FRY: variants seen among roughly 807,000 people sequenced by gnomAD.
FRY encodes the protein FRY microtubule binding protein, also known as protein furry homolog.
FRY carries 128 observed loss-of-function variants against 348.4 expected under a neutral mutation model. The ratio of observed to expected loss-of-function variants is 0.37; its 90% CI spans 0.32 to 0.43. FRY has a LOEUF of 0.43. FRY is among the 20% of genes least tolerant of loss of function. The pLI is 1.00. For missense variants in FRY, 2,736 were observed against 3,695.2 expected, an observed-to-expected ratio of 0.74 and a Z score of 6.73; for synonymous variants, 1,370 against 1,374.7, an observed-to-expected ratio of 1.00 and a Z score of 0.08.
At chr13:32,269,481 A>G (rs1169683256) in intron 55 of FRY, among the ~76,000 whole-genome samples, 2 of 152,200 alleles carry the variant, frequency 1.3e-5, no homozygotes, top group East Asian at 3.9e-4. Context: ...ACCTGAGGTC[A>G]GAAATTCGAG....
intron 11 of FRY, among the ~76,000 whole-genome samples, chr13:32,143,013 T>G (rs1880175135): frequency 6.6e-6 from 1 of 151,930 alleles, no homozygotes; most frequent in Admixed American, 6.6e-5. Flanking sequence ...GTTATCCAAG[T>G]AGACAAGGAT....
chr13:32,059,458 C>CA (rs10692049), intron 1 of FRY, among the ~76,000 whole-genome samples: 10,636 of 111,346 alleles, frequency 0.096, 853 homozygotes, highest in African/African-American at 0.22. Context: ...ACTTAGGAAG[C>CA]AAAAAAAAAA....
Position 32,247,345 on chromosome 13 carries a change from T to C in FRY, c.6851T>C (p.Leu2284Pro). 7 of 1,613,634 alleles carry C rather than the reference T, an allele frequency of 4.3e-6. No homozygotes were observed. The highest frequency in any genetic ancestry group is 5.9e-6 in the Non-Finnish European group (7 of 1,179,518). Residue 2284 changes from leucine to proline, a missense_variant, in exon 48 of 61, where the codon CTG becomes CCG. Physicochemically the swap from Leu to Pro is moderately conservative, Grantham distance 98 (BLOSUM62 -3). Transcript: ENST00000542859. The part of the protein sequence containing the change: ...YVQSVHWREA[L>P]NILKLVVSRS... Reference sequence around the variant, plus strand: ...CAGAGTGTTCACTGGAGAGAAGCTCTGAATATCTTGAAGCTGGTAGTTTCT... The same window carrying C: ...CAGAGTGTTCACTGGAGAGAAGCTCCGAATATCTTGAAGCTGGTAGTTTCT...
intron 31 of FRY, among the ~76,000 whole-genome samples, chr13:32,203,913 G>T (rs577538805): frequency 6.6e-6 from 1 of 152,184 alleles, no homozygotes; most frequent in East Asian, 1.9e-4. Context: ...CTTCCATGTG[G>T]CAGTCCATCC....
At position 32,289,548 on chromosome 13, in the gene FRY, A is replaced by G. The variant is rs1489135918; in HGVS notation, c.8470-85A>G. On this transcript the variant is annotated intron_variant, in intron 58 of 60. Transcript: ENST00000542859. ...TTATGTTTTCTTAATTTAAAAAAAA[A>G]GTTTGTCTCCATTGAGATTTCACTA... 1.0e-5 allele frequency: 8 copies of G among 802,494 alleles called. No homozygotes were observed. The Admixed American group carries it at 1.5e-4, about 15-fold the overall frequency. The allele number at this position is 802,494 out of a possible 1,614,324, so 49.7% of individuals were successfully genotyped here. A position where few individuals can be genotyped will look rare whatever the true frequency, so the allele number is the denominator to read the frequency against.
intron 42 of FRY, 123 bp downstream of exon 42, chr13:32,234,884 A>AT: frequency 1.3e-6 from 1 of 777,992 alleles, no homozygotes; most frequent in Non-Finnish European, 2.1e-6. Context: ...TGTACAATAT[A>AT]TTTTTTCAAT....
intron 28 of FRY, among the ~76,000 whole-genome samples, chr13:32,192,739 CTTTTTTTT>C (rs71194513): frequency 5.0e-5 from 5 of 99,242 alleles, no homozygotes; most frequent in Non-Finnish European, 9.8e-5. Context: ...CAGAATGTTA[CTTTTTTTT>C]TTTTTTTTTT....
At chr13:32,236,217 A>G in intron 43 of FRY, 45 bp downstream of exon 43, 1 of 1,333,108 alleles carries the variant, frequency 7.5e-7, no homozygotes, top group Non-Finnish European at 1.1e-6. Context: ...TATACTGCAC[A>G]GGAGTATTTG....
At position 32,100,368 on chromosome 13, in the gene FRY, T is replaced by C. The variant is rs575680411; in HGVS notation, c.271-1595T>C. ...TGCTGGGATTACAGACGTGAGCCAA[T>C]GCACCTGGCCGTGACTTTTTATTAT... On this transcript the variant is annotated intron_variant, in intron 2 of 60. Coordinates refer to ENST00000542859, the MANE Select transcript of FRY (RefSeq NM_023037.3). 1.2e-3 allele frequency among the ~76,000 whole-genome samples: 177 copies of C among 152,126 alleles called. 3 individuals carry two copies. The highest frequency in any genetic ancestry group is 4.1e-3 in the African/African-American group (171 of 41,448).
At chr13:32,270,640 C>T (rs1282562660) in intron 55 of FRY, among the ~76,000 whole-genome samples, 2 of 152,322 alleles carry the variant, frequency 1.3e-5, no homozygotes, top group East Asian at 1.9e-4. Flanking sequence ...CTGCCTAGAA[C>T]GGTCATCTCC....
At chr13:32,252,024 G>A in intron 50 of FRY, 72 bp downstream of exon 50, 5 of 1,047,792 alleles carry the variant, frequency 4.8e-6, no homozygotes, top group Non-Finnish European at 4.5e-6. Flanking sequence ...TTTGCCTTTG[G>A]TCATATAATT....
At position 32,038,947 on chromosome 13, in the gene FRY, C is replaced by T. The variant is rs113199373; in HGVS notation, c.70+7082C>T. The stretch of plus-strand genomic sequence containing the variant: ...CACCTGGATCCTTCATCCAGGCTCT[C>T]AGAGCTTCCTTTCCTTCCTTGTTCG... On this transcript the variant is annotated intron_variant, in intron 1 of 60. Coordinates refer to ENST00000542859, the MANE Select transcript of FRY (RefSeq NM_023037.3). Among the ~76,000 whole-genome samples, 587 of 152,312 alleles carry T rather than the reference C, an allele frequency of 3.9e-3. 3 individuals carry two copies. Among genetic ancestry groups the T allele is most frequent in the African/African-American group, 0.014 (564 of 41,590 alleles).
chr13:32,152,157 A>T (rs1344821545), intron 14 of FRY, among the ~76,000 whole-genome samples: 4 of 151,998 alleles, frequency 2.6e-5, no homozygotes, highest in African/African-American at 9.7e-5. Flanking sequence ...CTCGCTGTTA[A>T]CAACAAGAGG....
chr13:32,273,222 C>CTTTTTTT (rs552249398), intron 55 of FRY, among the ~76,000 whole-genome samples: 1 of 124,174 alleles, frequency 8.1e-6, no homozygotes, highest in Non-Finnish European at 1.7e-5. Context: ...TTTAACTGTT[C>CTTTTTTT]TTTTTTTTTT....
intron 1 of FRY, among the ~76,000 whole-genome samples, chr13:32,065,368 C>A (rs1874189454): frequency 6.6e-6 from 1 of 151,826 alleles, no homozygotes; most frequent in South Asian, 2.1e-4. Flanking sequence ...TGCAGTGGCA[C>A]AATCTCAGCT....
At chr13:32,060,727 G>A (rs906629311) in intron 1 of FRY, 4 of 175,364 alleles carry the variant, frequency 2.3e-5, no homozygotes, top group East Asian at 1.5e-4. Flanking sequence ...TGTGTGGGTC[G>A]GGCTCATGTT....
intron 1 of FRY, among the ~76,000 whole-genome samples, chr13:32,034,771 G>A (rs191311609): frequency 1.3e-5 from 2 of 152,036 alleles, no homozygotes; most frequent in East Asian, 1.9e-4. Context: ...TGAGCTCCTC[G>A]TTCATCCTCT....
At chr13:32,096,350 G>A (rs893662006) in intron 2 of FRY, among the ~76,000 whole-genome samples, 1 of 151,884 alleles carries the variant, frequency 6.6e-6, no homozygotes, top group African/African-American at 2.4e-5. Flanking sequence ...AGACAGACAA[G>A]TTACAACATG....
At chr13:32,080,521 T>C in intron 2 of FRY, among the ~76,000 whole-genome samples, 1 of 152,204 alleles carries the variant, frequency 6.6e-6, no homozygotes, top group East Asian at 1.9e-4. Context: ...CTCTATACTT[T>C]ATTGTCAGTC....
Sources: allele counts gnomAD v4.1 joint callset (sites outside exome capture counted in the v4.1 genomes callset), GRCh38; gene constraint gnomAD v4.1.1; transcripts MANE v1.5; gene names NCBI Gene and HGNC (gene_info 2026-07-23, HGNC 2026-07-21).